The following CTNNAL1 variants were observed in gnomAD, a reference collection of about 807,000 sequenced individuals.
The protein encoded by CTNNAL1 is alpha-catulin.
Under a neutral mutation model 93.6 loss-of-function variants are expected in CTNNAL1, and 69 were observed. The observed-to-expected ratio is 0.74, with a 90% confidence interval of 0.61 to 0.90. The LOEUF is 0.90. Among genes scored for constraint, CTNNAL1 ranks in the 40% least tolerant of loss-of-function variants. The pLI, the probability that CTNNAL1 is intolerant of heterozygous loss-of-function variation, is 0.00. For missense variants in CTNNAL1, 836 were observed against 862.0 expected (o/e 0.97, Z 0.38); for synonymous variants, 286 against 305.4 (o/e 0.94, Z 0.66).
Position 108,992,517 on chromosome 9 carries a change from G to C in CTNNAL1, c.519+115C>G, listed in dbSNP as rs1335609379. The C allele has an allele frequency of 7.7e-6, 10 of 1,291,446 alleles. No homozygotes were observed. In the East Asian group the frequency reaches 2.3e-4, roughly 30 times the overall value. 80.0% of individuals were successfully genotyped at this position (1,291,446 alleles called of 1,614,324 possible). A position where few individuals can be genotyped will look rare whatever the true frequency, so the allele number is the denominator to read the frequency against. On this transcript the variant is annotated intron_variant, in intron 3 of 18. Transcript: ENST00000325551. ...CCTGCATTGCACATTAATTCCCACA[G>C]CTAGCTGCATTCTTCATCGACACAC...
intron 8 of CTNNAL1, among the ~76,000 whole-genome samples, chr9:108,974,978 C>T (rs368850366): frequency 6.6e-6 from 1 of 152,030 alleles, no homozygotes; most frequent in African/African-American, 2.4e-5. Context: ...GCCTGGCCAA[C>T]ATGGTGAAAC....
chr9:108,995,749 T>C (rs1831992129), intron 2 of CTNNAL1, among the ~76,000 whole-genome samples: 1 of 152,108 alleles, frequency 6.6e-6, no homozygotes, highest in African/African-American at 2.4e-5. Context: ...AGAATAAAAA[T>C]TAATTATAAT....
At chr9:109,012,440 CGCT>C (rs1048920492) in intron 1 of CTNNAL1, among the ~76,000 whole-genome samples, 41 of 152,272 alleles carry the variant, frequency 2.7e-4, no homozygotes, top group African/African-American at 9.1e-4. Flanking sequence ...ATCGCCAACG[CGCT>C]CCCGAAGGCA....
Position 109,007,277 on chromosome 9 carries a change from A to G in CTNNAL1, c.141+6025T>C, listed in dbSNP as rs552312393. Among the ~76,000 whole-genome samples the G allele has an allele frequency of 2.0e-5, 3 of 152,228 alleles. No individual in the cohort carries two copies. In the South Asian group the frequency reaches 6.2e-4, roughly 32 times the overall value. On this transcript the variant is annotated intron_variant, in intron 1 of 18. Coordinates refer to ENST00000325551, the MANE Select transcript of CTNNAL1 (RefSeq NM_003798.4). ...AAAAAAAACACGCATGTATTCACATACACAAATCAGCAAAGAGCAGAGAGG... is the reference window on the plus strand; with the variant it reads ...AAAAAAAACACGCATGTATTCACATGCACAAATCAGCAAAGAGCAGAGAGG...
rs1293401317 is a variant in CTNNAL1, at chr9:108,999,164, T to G, written c.234A>C (p.Ala78=). The change falls in exon 2 of 19, where the codon GCA becomes GCC. Residue 78 remains alanine, a synonymous_variant. Transcript: ENST00000325551. ...IQRVGQAVNL[A]VGRFVKVGEA... ...CTCCTACTTTAACAAATCTTCCAACTGCCAAGTTGACAGCTTGTCCTACAC... is the reference window on the plus strand; with the variant it reads ...CTCCTACTTTAACAAATCTTCCAACGGCCAAGTTGACAGCTTGTCCTACAC... 12 of 1,613,914 alleles carry G rather than the reference T, an allele frequency of 7.4e-6. No homozygotes were observed. Among genetic ancestry groups the G allele is most frequent in the African/African-American group, 1.3e-5 (1 of 75,044 alleles).
intron 8 of CTNNAL1, among the ~76,000 whole-genome samples, chr9:108,973,204 T>C (rs1327245408): frequency 6.6e-6 from 1 of 152,202 alleles, no homozygotes; most frequent in East Asian, 1.9e-4. Context: ...CTTTCCCATG[T>C]AGCTTTTCCC....
chr9:108,952,486 A>T lies in CTNNAL1; in HGVS notation c.1638T>A (p.Asn546Lys). ...YLSLPKPMKN[N>K]ANLKSLKPDK... ...CTGGCTTTAATGATTTCAGGTTTGC[A>T]TTATTCTTCTGTGACAATAAAAAGA... Residue 546 changes from asparagine (N) to lysine (K), a missense_variant, in exon 13 of 19, where the codon AAT becomes AAA. By Grantham distance (94) the Asn-to-Lys change is moderately conservative (BLOSUM62 0). Transcript: ENST00000325551. 1.2e-6 allele frequency: 2 copies of T among 1,614,184 alleles called. No individual in the cohort carries two copies. The highest frequency in any genetic ancestry group is 2.2e-5 in the South Asian group (2 of 91,080).
Position 108,992,833 on chromosome 9 carries a change from C to T in CTNNAL1, c.332-14G>A, listed in dbSNP as rs112629790. 4.1e-4 allele frequency: 657 copies of T among 1,596,210 alleles called. 4 individuals are homozygous for T. In the African/African-American group the frequency reaches 7.5e-3, roughly 18 times the overall value. The stretch of plus-strand genomic sequence containing the variant: ...CAATTGTTTCTCCTAACAAGAAAGA[C>T]GAGGGGAGAAAGTTAAACAGGCATA... On this transcript the variant is annotated splice_polypyrimidine_tract_variant and intron_variant, in intron 2 of 18. Coordinates refer to ENST00000325551, the MANE Select transcript of CTNNAL1 (RefSeq NM_003798.4).
chr9:108,948,351 A>G (rs893404263), intron 14 of CTNNAL1, 117 bp from the exon 15 acceptor site: 40 of 857,336 alleles, frequency 4.7e-5, no homozygotes, highest in Non-Finnish European at 6.9e-5. Context: ...TTGAAGAATA[A>G]TATGAATAGA....
intron 12 of CTNNAL1, among the ~76,000 whole-genome samples, chr9:108,953,647 A>G (rs1447795714): frequency 6.6e-6 from 1 of 152,212 alleles, no homozygotes; most frequent in East Asian, 1.9e-4. Flanking sequence ...CTTCTGACCA[A>G]CTATTCTGTC....
chr9:108,984,461 G>T (rs374804658), intron 4 of CTNNAL1, 25 bp from the exon 5 acceptor site: 7 of 1,377,642 alleles, frequency 5.1e-6, no homozygotes, highest in Admixed American at 1.7e-5. Flanking sequence ...AAATCACGGA[G>T]GAGTCTAAGA....
At chr9:109,002,223 A>G (rs573785621) in intron 1 of CTNNAL1, among the ~76,000 whole-genome samples, 1 of 152,334 alleles carries the variant, frequency 6.6e-6, no homozygotes, top group South Asian at 2.1e-4. Context: ...CCCATTCCTC[A>G]CAAGTGGTGT....
chr9:108,979,489 C>A lies in CTNNAL1; in HGVS notation c.901-8G>T. ...AAGAGCTTCAATATTCATCTGAGAA[C>A]AAAAAGGACATCTATCCATCCATGT... is the stretch of plus-strand genomic sequence containing the variant. On this transcript the variant is annotated splice_region_variant and splice_polypyrimidine_tract_variant and intron_variant, in intron 6 of 18. Coordinates refer to ENST00000325551, the MANE Select transcript of CTNNAL1 (RefSeq NM_003798.4). 6.2e-7 allele frequency: 1 copy of A among 1,612,548 alleles called. No homozygotes were observed. Among genetic ancestry groups the A allele is most frequent in the Non-Finnish European group, 8.5e-7 (1 of 1,179,312 alleles).
Position 108,999,540 on chromosome 9 carries a change from C to G in CTNNAL1, c.142-284G>C, listed in dbSNP as rs902366500. 6.6e-6 allele frequency among the ~76,000 whole-genome samples: 1 copy of G among 152,176 alleles called. No homozygotes were observed. Among genetic ancestry groups the G allele is most frequent in the Admixed American group, 6.5e-5 (1 of 15,268 alleles). On this transcript the variant is annotated intron_variant, in intron 1 of 18. Transcript: ENST00000325551. Reference sequence around the variant, plus strand: ...AGGCCCTCCAGATCTTTCAACAAATCTTAAGGAGAAAAGTAGAAGCGGATA... The same window carrying G: ...AGGCCCTCCAGATCTTTCAACAAATGTTAAGGAGAAAAGTAGAAGCGGATA...
chr9:108,965,126 G>A (rs560923955), intron 11 of CTNNAL1, among the ~76,000 whole-genome samples: 24 of 152,182 alleles, frequency 1.6e-4, no homozygotes, highest in Admixed American at 1.2e-3. Context: ...CTCCCAAAGC[G>A]CTGGGATTAC....
intron 3 of CTNNAL1, among the ~76,000 whole-genome samples, chr9:108,991,095 T>A (rs1382008084): frequency 6.6e-6 from 1 of 152,108 alleles, no homozygotes; most frequent in Admixed American, 6.5e-5. Context: ...GGAAAAAGAA[T>A]AAAAGAAATG....
At chr9:109,011,220 A>G (rs1369414190) in intron 1 of CTNNAL1, among the ~76,000 whole-genome samples, 1 of 152,188 alleles carries the variant, frequency 6.6e-6, no homozygotes. Context: ...CATGCTTAAT[A>G]CACTTCTTGA....
intron 18 of CTNNAL1, 55 bp downstream of exon 18, chr9:108,942,906 T>C: frequency 6.2e-7 from 1 of 1,609,406 alleles, no homozygotes; most frequent in Non-Finnish European, 8.5e-7. Context: ...GTAGTAACTA[T>C]TTTCTTTTAA....
intron 8 of CTNNAL1, 31 bp from the exon 9 acceptor site, chr9:108,972,864 G>GGGGCCCC: frequency 1.1e-4 from 15 of 142,496 alleles, no homozygotes; most frequent in Non-Finnish European, 1.5e-4. Context: ...GGGGGGGTGG[G>GGGGCCCC]AGGGTGGAGA....
Sources: allele counts gnomAD v4.1 joint callset (sites outside exome capture counted in the v4.1 genomes callset), GRCh38; gene constraint gnomAD v4.1.1; transcripts MANE v1.5; gene names NCBI Gene and HGNC (gene_info 2026-07-23, HGNC 2026-07-21).